The following MBD5 variants were observed in gnomAD, a reference collection of about 807,000 sequenced individuals.
The protein encoded by MBD5 is methyl-CpG binding domain protein 5, also known as methyl-CpG-binding domain protein 5.
A neutral mutation model predicts 117.3 loss-of-function variants in MBD5; 13 were observed. The ratio of observed to expected loss-of-function variants is 0.11; its 90% CI spans 0.07 to 0.18. The LOEUF is 0.18. Ranked by LOEUF, MBD5 falls within the 10% of genes least tolerant of loss-of-function variation. The pLI, the probability that MBD5 is intolerant of heterozygous loss-of-function variation, is 1.00. For missense variants in MBD5, 1,879 were observed against 2,093.8 expected (o/e 0.90, Z 2.00); for synonymous variants, 727 against 766.4 (o/e 0.95, Z 0.85).
At position 148,468,557 on chromosome 2, in the gene MBD5, G is replaced by A; in HGVS notation, c.614G>A (p.Ser205Asn). 1.2e-6 allele frequency: 2 copies of A among 1,613,922 alleles called. No individual in the cohort carries two copies. The highest frequency in any genetic ancestry group is 1.7e-6 in the Non-Finnish European group (2 of 1,179,890). ...HPVYPRQRLG[S>N]SEHGQKSPFR... ...GTCTACCCCCGACAGAGATTGGGCA[G>A]CAGTGAACATGGACAGAAATCTCCA... is the stretch of plus-strand genomic sequence containing the variant. The change falls in exon 8 of 14, where the codon AGC becomes AAC. Residue 205 changes from serine to asparagine, a missense_variant. By Grantham distance (46) the Ser-to-Asn change is conservative. This residue lies in a region of MBD5 where 1,666 missense variants were observed against 1,792.2 expected (regional missense o/e 0.93). Transcript: ENST00000642680.
chr2:148,483,935 C>A lies in MBD5; in HGVS notation c.3344C>A (p.Ala1115Glu). 1.9e-6 allele frequency: 3 copies of A among 1,550,508 alleles called. No individual in the cohort carries two copies. The highest frequency in any genetic ancestry group is 2.6e-6 in the Non-Finnish European group (3 of 1,146,928). Reference sequence around the variant, plus strand: ...GTTTCCATAGCAACCTCCTCCCAGGCAACCACTACCACAACCACTACATCA... The same window carrying A: ...GTTTCCATAGCAACCTCCTCCCAGGAAACCACTACCACAACCACTACATCA... ...PEVSIATSSQATTTTTTTSSA... is the reference protein window; with the variant it reads ...PEVSIATSSQETTTTTTTSSA... The change falls in exon 9 of 14, where the codon GCA becomes GAA. Residue 1115 changes from alanine (A) to glutamate (E), a missense_variant. Physicochemically the swap from Ala to Glu is moderately radical, Grantham distance 107 (BLOSUM62 -1). This residue lies in a region of MBD5 where 1,666 missense variants were observed against 1,792.2 expected (regional missense o/e 0.93). Transcript: ENST00000642680.
At chr2:148,036,127 T>G (rs2105631888) in intron 1 of MBD5, among the ~76,000 whole-genome samples, 1 of 152,306 alleles carries the variant, frequency 6.6e-6, no homozygotes, top group South Asian at 2.1e-4. Context: ...CTTTACATTA[T>G]TGTTTTACTT....
intron 10 of MBD5, among the ~76,000 whole-genome samples, chr2:148,486,328 G>A (rs935739445): frequency 4.6e-5 from 7 of 152,102 alleles, no homozygotes; most frequent in African/African-American, 1.7e-4. Flanking sequence ...TATTTCTTTA[G>A]TTCCACAAAG....
chr2:148,331,186 A>T (rs970086452), intron 3 of MBD5, among the ~76,000 whole-genome samples: 7 of 152,216 alleles, frequency 4.6e-5, no homozygotes, highest in African/African-American at 1.7e-4. Flanking sequence ...AGCACACTTA[A>T]GAATTTATAA....
chr2:148,381,360 G>C (rs1704137626), intron 4 of MBD5, among the ~76,000 whole-genome samples: 1 of 152,130 alleles, frequency 6.6e-6, no homozygotes, highest in Non-Finnish European at 1.5e-5. Context: ...CTGGAAGAAA[G>C]GGTATCAGCA....
At chr2:148,103,571 A>G (rs1696287765) in intron 1 of MBD5, among the ~76,000 whole-genome samples, 1 of 152,130 alleles carries the variant, frequency 6.6e-6, no homozygotes, top group African/African-American at 2.4e-5. Context: ...ATTGGTGCAT[A>G]TGGTTTTGAA....
chr2:148,469,223 A>C lies in MBD5; in HGVS notation c.1280A>C (p.Gln427Pro), dbSNP rs1410631879. ...CATGGGAGTCATGTACAAAGAGTTC[A>C]GCATTCAGCTTCAACCTCCCTGTCC... Reference protein sequence around the residue: ...MNHGSHVQRVQHSASTSLSPS... With the variant: ...MNHGSHVQRVPHSASTSLSPS... Residue 427 changes from glutamine (Q) to proline (P), a missense_variant, in exon 8 of 14, where the codon CAG becomes CCG. Around this residue, in one of 4 missense-constraint regions of MBD5, gnomAD observed 1,666 missense variants for 1,792.2 expected, o/e 0.93. Transcript: ENST00000642680. 1 of 1,614,080 alleles carries C rather than the reference A, an allele frequency of 6.2e-7. No individual in the cohort carries two copies. Among genetic ancestry groups the C allele is most frequent in the Non-Finnish European group, 8.5e-7 (1 of 1,179,974 alleles).
chr2:148,185,032 C>T (rs963634640), intron 2 of MBD5, among the ~76,000 whole-genome samples: 1 of 152,192 alleles, frequency 6.6e-6, no homozygotes, highest in African/African-American at 2.4e-5. Context: ...CTGTTTTCCT[C>T]AGCTTTTTAT....
chr2:148,184,447 T>C (rs775433266), intron 2 of MBD5, among the ~76,000 whole-genome samples: 1 of 152,212 alleles, frequency 6.6e-6, no homozygotes, highest in East Asian at 1.9e-4. Flanking sequence ...ATTAATTTAC[T>C]CCTCATTTAA....
intron 7 of MBD5, among the ~76,000 whole-genome samples, chr2:148,464,318 A>G (rs1707189839): frequency 6.6e-6 from 1 of 152,112 alleles, no homozygotes; most frequent in South Asian, 2.1e-4. Flanking sequence ...TCGAACACCT[A>G]CTAAACAGAA....
intron 12 of MBD5, among the ~76,000 whole-genome samples, chr2:148,508,720 G>T (rs116500373): frequency 6.6e-6 from 1 of 152,160 alleles, no homozygotes; most frequent in African/African-American, 2.4e-5. Flanking sequence ...TTATAATTTG[G>T]TTAAAACCAA....
chr2:148,330,893 C>G (rs1702627903), intron 3 of MBD5, among the ~76,000 whole-genome samples: 1 of 152,130 alleles, frequency 6.6e-6, no homozygotes. Flanking sequence ...CACCACATTC[C>G]TATGAAATGA....
intron 2 of MBD5, among the ~76,000 whole-genome samples, chr2:148,205,328 G>T (rs1255856575): frequency 6.6e-6 from 1 of 152,130 alleles, no homozygotes; most frequent in African/African-American, 2.4e-5. Flanking sequence ...GACCTCAGGT[G>T]ATCCGCCTAC....
intron 2 of MBD5, among the ~76,000 whole-genome samples, chr2:148,203,625 T>G (rs531254011): frequency 5.1e-4 from 78 of 152,320 alleles, no homozygotes; most frequent in African/African-American, 1.8e-3. Context: ...GTTGCAATTT[T>G]GCAAGTCTTC....
intron 11 of MBD5, among the ~76,000 whole-genome samples, chr2:148,493,679 G>A (rs1681599870): frequency 6.6e-6 from 1 of 152,182 alleles, no homozygotes; most frequent in Non-Finnish European, 1.5e-5. Flanking sequence ...AATAGTAACT[G>A]ACTTGGTCAG....
At chr2:148,477,903 A>G (rs1300859728) in intron 8 of MBD5, among the ~76,000 whole-genome samples, 2 of 152,194 alleles carry the variant, frequency 1.3e-5, no homozygotes, top group Non-Finnish European at 2.9e-5. Flanking sequence ...TCTTAGCATA[A>G]AGTAGTATTT....
chr2:148,440,404 C>T (rs1243149329), intron 4 of MBD5, among the ~76,000 whole-genome samples: 2 of 152,058 alleles, frequency 1.3e-5, no homozygotes, highest in East Asian at 3.9e-4. Flanking sequence ...GGTGATATCC[C>T]CTGAATGTGG....
chr2:148,440,420 T>C (rs1393501110), intron 4 of MBD5, among the ~76,000 whole-genome samples: 1 of 152,206 alleles, frequency 6.6e-6, no homozygotes, highest in African/African-American at 2.4e-5. Flanking sequence ...TGTGGAATTG[T>C]GCTGAAAATA....
At chr2:148,023,424 A>G (rs1693819658) in intron 1 of MBD5, among the ~76,000 whole-genome samples, 1 of 152,228 alleles carries the variant, frequency 6.6e-6, no homozygotes, top group Non-Finnish European at 1.5e-5. Flanking sequence ...CCGAAATAAA[A>G]AAGCTTTATA....
Sources: gnomAD v4.1 joint callset for allele counts (sites outside exome capture counted in the v4.1 genomes callset) on GRCh38, gnomAD v4.1.1 for gene constraint, gnomAD v4.1.1 regional missense constraint, MANE v1.5 for transcripts, NCBI Gene and HGNC (gene_info 2026-07-23, HGNC 2026-07-21) for gene names.